Variants in TYR observed in about 807,000 individuals in gnomAD.
The protein encoded by TYR is tyrosinase.
TYR carries 58 observed loss-of-function variants against 51.5 expected under a neutral mutation model. That is an observed-to-expected ratio of 1.13 (90% CI 0.91 to 1.40). The LOEUF is 1.40. Among genes scored for constraint, TYR ranks in the 40% most tolerant of loss-of-function variants. The pLI is 0.00. For missense variants in TYR, 732 were observed against 647.4 expected, an observed-to-expected ratio of 1.13 and a Z score of -1.42; for synonymous variants, 263 against 235.2, an observed-to-expected ratio of 1.12 and a Z score of -1.08.
intron 3 of TYR, among the ~76,000 whole-genome samples, chr11:89,259,249 A>G (rs1175479212): frequency 6.6e-6 from 1 of 152,112 alleles, no homozygotes; most frequent in Admixed American, 6.6e-5. Flanking sequence ...TACACAGCCT[A>G]GACATCTTCC....
At chr11:89,278,144 C>G (rs970840126) in intron 3 of TYR, among the ~76,000 whole-genome samples, 9 of 151,670 alleles carry the variant, frequency 5.9e-5, no homozygotes. Context: ...TCCATTCTGT[C>G]CTTCAGAAAT....
intron 3 of TYR, among the ~76,000 whole-genome samples, chr11:89,263,748 A>C (rs1448772662): frequency 1.3e-5 from 2 of 152,088 alleles, no homozygotes; most frequent in African/African-American, 4.8e-5. Flanking sequence ...TAATATCAGA[A>C]AGAATAGAAT....
intron 3 of TYR, among the ~76,000 whole-genome samples, chr11:89,232,340 G>T (rs1944060896): frequency 7.0e-6 from 1 of 143,476 alleles, no homozygotes; most frequent in Non-Finnish European, 1.5e-5. Flanking sequence ...CAAAGAAAAT[G>T]TGGTACATTT....
At chr11:89,269,548 C>T (rs187891762) in intron 3 of TYR, among the ~76,000 whole-genome samples, 74 of 152,004 alleles carry the variant, frequency 4.9e-4, no homozygotes, top group Middle Eastern at 3.4e-3. Context: ...GGTTCTTATA[C>T]TAAGTTTCTC....
At chr11:89,288,650 C>A (rs932158634) in intron 4 of TYR, among the ~76,000 whole-genome samples, 2 of 151,962 alleles carry the variant, frequency 1.3e-5, no homozygotes, top group African/African-American at 4.8e-5. Flanking sequence ...AAATAAGCAA[C>A]AGCAGATACT....
intron 3 of TYR, among the ~76,000 whole-genome samples, chr11:89,239,713 C>T (rs1591175614): frequency 6.6e-6 from 1 of 152,188 alleles, no homozygotes; most frequent in East Asian, 1.9e-4. Context: ...GCTTTTGCTG[C>T]ATCCCATAAG....
intron 2 of TYR, among the ~76,000 whole-genome samples, chr11:89,193,831 A>G (rs1943480509): frequency 6.6e-6 from 1 of 151,706 alleles, no homozygotes; most frequent in Non-Finnish European, 1.5e-5. Context: ...AAAAACATGA[A>G]TATATATTTT....
At chr11:89,238,051 G>T (rs1257406565) in intron 3 of TYR, among the ~76,000 whole-genome samples, 1 of 151,900 alleles carries the variant, frequency 6.6e-6, no homozygotes, top group Non-Finnish European at 1.5e-5. Context: ...GGCCAGGCTG[G>T]TCTCGAACTC....
At chr11:89,253,152 G>A (rs1174100826) in intron 3 of TYR, among the ~76,000 whole-genome samples, 4 of 151,698 alleles carry the variant, frequency 2.6e-5, no homozygotes, top group Non-Finnish European at 5.9e-5. Context: ...ACTTGTCAAT[G>A]AAAGATCCTT....
intron 2 of TYR, among the ~76,000 whole-genome samples, chr11:89,195,040 A>G (rs1943497275): frequency 6.6e-6 from 1 of 152,110 alleles, no homozygotes. Context: ...TAGGACAGGG[A>G]TGTGGGGTGT....
intron 2 of TYR, among the ~76,000 whole-genome samples, chr11:89,225,463 A>C (rs1164250605): frequency 2.0e-5 from 3 of 151,874 alleles, no homozygotes; most frequent in African/African-American, 7.2e-5. Flanking sequence ...TTGTATCCTT[A>C]GACTAACATC....
chr11:89,209,771 G>A (rs148509357), intron 2 of TYR, among the ~76,000 whole-genome samples: 3,636 of 152,136 alleles, frequency 0.024, 73 homozygotes, highest in Non-Finnish European at 0.039. Context: ...AGGAAGGATC[G>A]GGCAGCAATA....
intron 3 of TYR, among the ~76,000 whole-genome samples, chr11:89,279,500 A>T (rs1428041070): frequency 2.0e-5 from 3 of 151,706 alleles, no homozygotes; most frequent in Non-Finnish European, 4.4e-5. Context: ...AATTTCTGCA[A>T]CACTGGCCAT....
intron 2 of TYR, among the ~76,000 whole-genome samples, chr11:89,217,554 A>T (rs1943848350): frequency 6.6e-6 from 1 of 152,170 alleles, no homozygotes; most frequent in Non-Finnish European, 1.5e-5. Context: ...CTACTTATTC[A>T]CAGGGCCACA....
intron 2 of TYR, among the ~76,000 whole-genome samples, chr11:89,202,893 G>GA (rs369205104): frequency 5.3e-5 from 8 of 151,946 alleles, no homozygotes; most frequent in African/African-American, 1.7e-4. Context: ...CTCAAGGACA[G>GA]AAAAAAATGA....
intron 2 of TYR, among the ~76,000 whole-genome samples, chr11:89,191,768 C>G (rs896764891): frequency 6.6e-6 from 1 of 152,040 alleles, no homozygotes; most frequent in Non-Finnish European, 1.5e-5. Flanking sequence ...AGGAAAGAAG[C>G]AGCAGCAGAA....
chr11:89,214,133 G>A (rs1943799689), intron 2 of TYR, among the ~76,000 whole-genome samples: 1 of 152,150 alleles, frequency 6.6e-6, no homozygotes, highest in Admixed American at 6.6e-5. Context: ...AGAAATATCA[G>A]AGTGAACAGG....
At chr11:89,235,934 C>A (rs1944104217) in intron 3 of TYR, among the ~76,000 whole-genome samples, 1 of 151,902 alleles carries the variant, frequency 6.6e-6, no homozygotes, top group African/African-American at 2.4e-5. Context: ...TCACATTATG[C>A]CCCATACATA....
At chr11:89,257,281 G>A (rs182725451) in intron 3 of TYR, among the ~76,000 whole-genome samples, 2 of 152,002 alleles carry the variant, frequency 1.3e-5, no homozygotes, top group East Asian at 3.9e-4. Context: ...TGTCTATCAG[G>A]CATTGATACA....
Sources: allele counts gnomAD v4.1 joint callset (sites outside exome capture counted in the v4.1 genomes callset), GRCh38; gene constraint gnomAD v4.1.1; transcripts MANE v1.5; gene names NCBI Gene and HGNC (gene_info 2026-07-23, HGNC 2026-07-21).